The following COMMD10 variants were observed in gnomAD, a reference collection of about 807,000 sequenced individuals.
COMMD10 encodes COMM domain containing 10.
In COMMD10, 33 loss-of-function variants were observed where a neutral mutation model predicts 28.9. The ratio of observed to expected loss-of-function variants is 1.14; its 90% confidence interval spans 0.87 to 1.53. The LOEUF is 1.53. Ranked by LOEUF, COMMD10 falls within the 40% of genes most tolerant of loss-of-function variation. The probability of loss-of-function intolerance (pLI) is 0.00; values close to 1 mark genes in which losing one functional copy is unlikely to be tolerated. For synonymous variants in COMMD10, 110 were observed against 81.7 expected (o/e 1.35, Z -1.87); for missense variants, 310 against 233.4 (o/e 1.33, Z -2.14).
At chr5:116,247,609 C>T (rs1396036187) in intron 5 of COMMD10, among the ~76,000 whole-genome samples, 1 of 152,096 alleles carries the variant, frequency 6.6e-6, no homozygotes, top group Non-Finnish European at 1.5e-5. Flanking sequence ...GGTACATACA[C>T]ACCATGGAAT....
intron 5 of COMMD10, among the ~76,000 whole-genome samples, chr5:116,175,853 G>A (rs1439713286): frequency 9.2e-5 from 14 of 152,096 alleles, no homozygotes; most frequent in Non-Finnish European, 4.4e-5. Flanking sequence ...TAGAATGGTA[G>A]TTGCTAGAGG....
At chr5:116,206,314 A>G (rs1748812204) in intron 5 of COMMD10, among the ~76,000 whole-genome samples, 1 of 152,160 alleles carries the variant, frequency 6.6e-6, no homozygotes, top group African/African-American at 2.4e-5. Context: ...ATCAACCCAT[A>G]TGCACATTTA....
chr5:116,110,420 T>C (rs1166307114), intron 4 of COMMD10, among the ~76,000 whole-genome samples: 2 of 152,198 alleles, frequency 1.3e-5, no homozygotes, highest in African/African-American at 2.4e-5. Flanking sequence ...TTCCAACTTT[T>C]TGGAACAGTT....
intron 5 of COMMD10, chr5:116,218,070 T>G (rs1434450237): frequency 1.6e-6 from 2 of 1,227,772 alleles, no homozygotes; most frequent in African/African-American, 3.0e-5. Flanking sequence ...TGATCTGTTT[T>G]GACATCTCCA....
At chr5:116,214,884 CCTAA>C (rs1015303346) in intron 5 of COMMD10, among the ~76,000 whole-genome samples, 5 of 152,066 alleles carry the variant, frequency 3.3e-5, no homozygotes, top group African/African-American at 7.2e-5. Flanking sequence ...CTTTTATAAT[CCTAA>C]CTGTTAGCTA....
At chr5:116,151,208 C>T (rs538193078) in intron 5 of COMMD10, among the ~76,000 whole-genome samples, 386 of 151,526 alleles carry the variant, frequency 2.5e-3, no homozygotes, top group Non-Finnish European at 4.4e-3. Context: ...AGGGATGAAG[C>T]CCACTTGTTC....
intron 5 of COMMD10, among the ~76,000 whole-genome samples, chr5:116,173,873 C>CT (rs1753418946): frequency 1.4e-5 from 2 of 147,056 alleles, no homozygotes; most frequent in African/African-American, 5.2e-5. Flanking sequence ...GGAACAAGGA[C>CT]AGTCATAATA....
At chr5:116,237,123 G>A (rs539780053) in intron 5 of COMMD10, among the ~76,000 whole-genome samples, 1 of 152,096 alleles carries the variant, frequency 6.6e-6, no homozygotes, top group Non-Finnish European at 1.5e-5. Context: ...GTTACGGGCA[G>A]AGGATATAAC....
At chr5:116,214,144 G>T (rs192289554) in intron 5 of COMMD10, among the ~76,000 whole-genome samples, 68 of 152,160 alleles carry the variant, frequency 4.5e-4, no homozygotes, top group African/African-American at 1.5e-3. Context: ...TAAACCTTTA[G>T]CTGTTGCTTT....
At chr5:116,121,976 C>G (rs1291035853) in intron 4 of COMMD10, among the ~76,000 whole-genome samples, 1 of 152,144 alleles carries the variant, frequency 6.6e-6, no homozygotes, top group Non-Finnish European at 1.5e-5. Flanking sequence ...TGCAGAAGCT[C>G]TTTAGTTTAA....
intron 5 of COMMD10, among the ~76,000 whole-genome samples, chr5:116,169,637 A>C (rs906586267): frequency 2.3e-4 from 35 of 152,208 alleles, no homozygotes; most frequent in African/African-American, 7.7e-4. Flanking sequence ...TAGCTTATCC[A>C]CCATGATCAA....
At chr5:116,111,129 C>T (rs1300338970) in intron 4 of COMMD10, among the ~76,000 whole-genome samples, 1 of 152,076 alleles carries the variant, frequency 6.6e-6, no homozygotes, top group Non-Finnish European at 1.5e-5. Context: ...GTAACGTCTC[C>T]ATTTTGATTT....
At chr5:116,191,974 A>G (rs1748382699) in intron 5 of COMMD10, among the ~76,000 whole-genome samples, 1 of 151,244 alleles carries the variant, frequency 6.6e-6, no homozygotes, top group Non-Finnish European at 1.5e-5. Flanking sequence ...TAGATGGTTC[A>G]CATCACAGGA....
intron 5 of COMMD10, among the ~76,000 whole-genome samples, chr5:116,259,386 T>G (rs1423727112): frequency 2.0e-5 from 3 of 151,920 alleles, no homozygotes; most frequent in African/African-American, 7.3e-5. Context: ...AATTGTTTTT[T>G]TTTGTCTGTG....
intron 5 of COMMD10, among the ~76,000 whole-genome samples, chr5:116,218,582 G>A (rs186006432): frequency 1.2e-4 from 18 of 152,240 alleles, no homozygotes; most frequent in Admixed American, 9.8e-4. Context: ...AAAACCAAGA[G>A]TCCTTTACTT....
At chr5:116,237,928 C>T (rs189773055) in intron 5 of COMMD10, among the ~76,000 whole-genome samples, 4 of 152,070 alleles carry the variant, frequency 2.6e-5, no homozygotes, top group East Asian at 3.9e-4. Context: ...AGAATGTCGT[C>T]GTTTCAAAGC....
At chr5:116,122,470 T>C (rs1051964853) in intron 4 of COMMD10, among the ~76,000 whole-genome samples, 4 of 152,238 alleles carry the variant, frequency 2.6e-5, no homozygotes, top group African/African-American at 7.2e-5. Flanking sequence ...TGAGGGCTCT[T>C]TTTTGGTTCC....
At chr5:116,167,536 A>G (rs999725303) in intron 5 of COMMD10, among the ~76,000 whole-genome samples, 8 of 152,312 alleles carry the variant, frequency 5.3e-5, no homozygotes, top group African/African-American at 1.7e-4. Flanking sequence ...CCCAAGACAC[A>G]TAATCATCAG....
chr5:116,189,651 A>G (rs1325617959), intron 5 of COMMD10, among the ~76,000 whole-genome samples: 1 of 152,212 alleles, frequency 6.6e-6, no homozygotes, highest in African/African-American at 2.4e-5. Flanking sequence ...ATATCTTATT[A>G]TGATTAATTT....
Sources: gnomAD v4.1 joint callset for allele counts (sites outside exome capture counted in the v4.1 genomes callset) on GRCh38, gnomAD v4.1.1 for gene constraint, MANE v1.5 for transcripts, NCBI Gene and HGNC (gene_info 2026-07-23, HGNC 2026-07-21) for gene names.